RBFOX1: variants seen among roughly 807,000 people sequenced by gnomAD.
RBFOX1 encodes the protein RNA binding fox-1 homolog 1.
In RBFOX1, 8 loss-of-function variants were observed where a neutral mutation model predicts 57.7. The observed-to-expected ratio is 0.14, with a 90% confidence interval of 0.08 to 0.25. RBFOX1 has a LOEUF of 0.25. Among genes scored for constraint, RBFOX1 ranks in the 10% least tolerant of loss-of-function variants. RBFOX1 has a pLI of 1.00. For missense variants in RBFOX1, 611 were observed against 548.5 expected (o/e 1.11, Z -1.14); for synonymous variants, 326 against 222.4 (o/e 1.47, Z -4.15).
chr16:7,149,267 T>C (rs2075655591), intron 4 of RBFOX1, among the ~76,000 whole-genome samples: 1 of 152,040 alleles, frequency 6.6e-6, no homozygotes, highest in Admixed American at 6.6e-5. Flanking sequence ...AGTTGCAATA[T>C]GACTGTTTGC....
Position 5,386,378 on chromosome 16 carries a change from G to A in RBFOX1, c.220-80838G>A, listed in dbSNP as rs144179355. The stretch of plus-strand genomic sequence containing the variant: ...AAGGCCCCAGGGGAAAAGGTAGACG[G>A]CCTCAGGTGATTAATGCACGTGGCC... On this transcript the variant is annotated intron_variant, in intron 1 of 2. Coordinates refer to the RBFOX1 transcript ENST00000585867. Among the ~76,000 whole-genome samples, 492 of 152,158 alleles carry A rather than the reference G, an allele frequency of 3.2e-3. 6 individuals are homozygous for A. Among genetic ancestry groups the A allele is most frequent in the African/African-American group, 0.011 (475 of 41,504 alleles).
chr16:7,092,495 A>G (rs2061023185), intron 4 of RBFOX1, among the ~76,000 whole-genome samples: 3 of 152,232 alleles, frequency 2.0e-5, no homozygotes, highest in Non-Finnish European at 1.5e-5. Context: ...TTAATACTGT[A>G]TAGACAGTGT....
At chr16:5,821,811 T>C (rs1205099626) in intron 3 of RBFOX1, among the ~76,000 whole-genome samples, 4 of 152,152 alleles carry the variant, frequency 2.6e-5, no homozygotes, top group African/African-American at 7.2e-5. Flanking sequence ...GGATGGTCTC[T>C]TGCTGCTGCA....
At chr16:7,546,415 G>T (rs763610388) in intron 5 of RBFOX1, among the ~76,000 whole-genome samples, 1 of 152,114 alleles carries the variant, frequency 6.6e-6, no homozygotes, top group Non-Finnish European at 1.5e-5. Context: ...TGTGTCAGCT[G>T]TTGCAGATCA....
chr16:5,762,213 G>A (rs939305518), intron 3 of RBFOX1, among the ~76,000 whole-genome samples: 3 of 152,180 alleles, frequency 2.0e-5, no homozygotes, highest in Non-Finnish European at 4.4e-5. Flanking sequence ...AGTTGAAGCT[G>A]TGAATAAGCA....
intron 2 of RBFOX1, among the ~76,000 whole-genome samples, chr16:6,448,391 T>C (rs2094530347): frequency 6.6e-6 from 1 of 152,070 alleles, no homozygotes; most frequent in Admixed American, 6.6e-5. Context: ...ACTCGTGACC[T>C]TGTGATCTGC....
rs146387684 is a variant in RBFOX1 at position 7,197,209 on chromosome 16, C to T, written c.27+145111C>T. Among the ~76,000 whole-genome samples the T allele has an allele frequency of 9.3e-4, 142 of 152,236 alleles. 2 individuals are homozygous for T. The East Asian group carries it at 0.027, about 29-fold the overall frequency. Reference sequence around the variant, plus strand: ...AAGTACAGATGTGGCTCTTCCAAGCCTCCTTCATAGCCGTTGTCTTTAGGG... The same window carrying T: ...AAGTACAGATGTGGCTCTTCCAAGCTTCCTTCATAGCCGTTGTCTTTAGGG... On this transcript the variant is annotated intron_variant, in intron 4 of 15. Transcript: ENST00000550418.
At chr16:6,470,916 G>C (rs756783005) in intron 2 of RBFOX1, among the ~76,000 whole-genome samples, 1 of 151,796 alleles carries the variant, frequency 6.6e-6, no homozygotes, top group African/African-American at 2.4e-5. Flanking sequence ...CTGTGTCTTT[G>C]TGCAAACCCT....
intron 3 of RBFOX1, among the ~76,000 whole-genome samples, chr16:6,829,959 C>G (rs904417344): frequency 6.6e-6 from 1 of 151,634 alleles, no homozygotes; most frequent in Non-Finnish European, 1.5e-5. Context: ...TCTTGTTGCC[C>G]AGGCTGGAGT....
At chr16:7,170,886 A>C (rs562730779) in intron 4 of RBFOX1, among the ~76,000 whole-genome samples, 40 of 152,296 alleles carry the variant, frequency 2.6e-4, no homozygotes, top group Admixed American at 1.0e-3. Flanking sequence ...GGGTTTCATC[A>C]AAACGTCCAG....
intron 4 of RBFOX1, among the ~76,000 whole-genome samples, chr16:7,236,296 C>A (rs1188306712): frequency 2.0e-5 from 3 of 152,076 alleles, no homozygotes; most frequent in South Asian, 2.1e-4. Context: ...TATTTAACAC[C>A]ATATTGTTTC....
chr16:5,718,366 A>T (rs530358167), intron 3 of RBFOX1, among the ~76,000 whole-genome samples: 2 of 152,196 alleles, frequency 1.3e-5, no homozygotes, highest in Non-Finnish European at 2.9e-5. Flanking sequence ...TCTCCACCTG[A>T]CCCACAGACA....
chr16:6,996,465 A>G (rs181934073), intron 3 of RBFOX1, among the ~76,000 whole-genome samples: 8 of 152,316 alleles, frequency 5.3e-5, no homozygotes, highest in Admixed American at 2.6e-4. Context: ...ACATGTGTAT[A>G]TATATCCATC....
At chr16:5,665,130 A>AGGG (rs2049791814) in intron 3 of RBFOX1, among the ~76,000 whole-genome samples, 1 of 74,988 alleles carries the variant, frequency 1.3e-5, no homozygotes, top group Non-Finnish European at 2.4e-5. Context: ...ATATTTTTAC[A>AGGG]TGGGGGGGGG....
rs78657567 is a variant in RBFOX1 at position 5,781,105 on chromosome 16, C to G, written c.319-86198C>G. 5.8e-3 allele frequency among the ~76,000 whole-genome samples: 880 copies of G among 152,244 alleles called. 7 individuals carry two copies. Among genetic ancestry groups the G allele is most frequent in the African/African-American group, 0.018 (761 of 41,546 alleles). ...TTCTCCTTGATTCTAAAACTAGGTC[C>G]TAAGGGAACCTGTGAGATAACCTGC... On this transcript the variant is annotated intron_variant, in intron 3 of 19. Transcript: ENST00000641259.
In RBFOX1 at chr16:6,244,441, A is replaced by G. The variant is rs367959002; in HGVS notation, c.-126-72554A>G. 3.9e-5 allele frequency among the ~76,000 whole-genome samples: 6 copies of G among 152,328 alleles called. No individual in the cohort carries two copies. The East Asian group carries it at 9.7e-4, about 25-fold the overall frequency. The stretch of plus-strand genomic sequence containing the variant: ...TGCCTCTAGGGATAACATGGTCTGC[A>G]GTGCAACATCTAGCAGGTTTTACAG... On this transcript the variant is annotated intron_variant, in intron 1 of 15. Coordinates refer to ENST00000550418, the MANE Select transcript of RBFOX1 (RefSeq NM_018723.4).
chr16:6,577,153 A>T (rs2097452186), intron 2 of RBFOX1: 1 of 152,110 alleles, frequency 6.6e-6, no homozygotes, highest in South Asian at 2.1e-4. Flanking sequence ...GTCATCTTCT[A>T]CCTGGGTCGC....
chr16:5,955,375 A>G (rs78421291), intron 4 of RBFOX1, among the ~76,000 whole-genome samples: 7,781 of 66,684 alleles, frequency 0.12, 763 homozygotes, highest in Middle Eastern at 0.24. Context: ...ATAAAATAAA[A>G]TAAAATAAAA....
intron 1 of RBFOX1, among the ~76,000 whole-genome samples, chr16:6,307,417 A>G (rs1256324680): frequency 2.0e-5 from 3 of 151,916 alleles, no homozygotes; most frequent in African/African-American, 7.3e-5. Flanking sequence ...AGCTATTAAT[A>G]TTGTCCAATA....
Sources: gnomAD v4.1 joint callset for allele counts (sites outside exome capture counted in the v4.1 genomes callset) on GRCh38, gnomAD v4.1.1 for gene constraint, MANE v1.5 for transcripts, NCBI Gene and HGNC (gene_info 2026-07-23, HGNC 2026-07-21) for gene names.